The following BCL2 variants were observed in gnomAD, a reference collection of about 807,000 sequenced individuals.
BCL2 encodes the protein BCL2 apoptosis regulator, also known as apoptosis regulator Bcl-2.
BCL2 carries 1 observed loss-of-function variant against 14.2 expected under a neutral mutation model. That is an observed-to-expected ratio of 0.07 (90% CI 0.02 to 0.33). The LOEUF is 0.33. Ranked by LOEUF, BCL2 falls within the 10% of genes least tolerant of loss-of-function variation. The probability of loss-of-function intolerance (pLI) is 0.99; values close to 1 mark genes in which losing one functional copy is unlikely to be tolerated. For synonymous variants in BCL2, 151 were observed against 137.2 expected (o/e 1.10, Z -0.70); for missense variants, 247 against 305.9 (o/e 0.81, Z 1.44).
At chr18:63,260,534 C>A (rs184517705) in intron 2 of BCL2, among the ~76,000 whole-genome samples, 5 of 152,154 alleles carry the variant, frequency 3.3e-5, no homozygotes, top group African/African-American at 1.2e-4. Flanking sequence ...TCAGCAGGGG[C>A]GGACGATAGC....
intron 2 of BCL2, among the ~76,000 whole-genome samples, chr18:63,282,290 T>A (rs1261122843): frequency 1.3e-5 from 2 of 152,250 alleles, no homozygotes; most frequent in Non-Finnish European, 2.9e-5. Context: ...CAGTTCTGAT[T>A]ATCTTCAAAC....
At chr18:63,278,890 T>A (rs1459695492) in intron 2 of BCL2, among the ~76,000 whole-genome samples, 1 of 152,054 alleles carries the variant, frequency 6.6e-6, no homozygotes, top group Non-Finnish European at 1.5e-5. Context: ...CCCACACATA[T>A]ACAGACACCT....
Position 63,126,730 on chromosome 18 carries a change from GA to G in BCL2, c.*1894del. 4.4e-6 allele frequency: 1 copy of G among 225,408 alleles called. No individual in the cohort carries two copies. The highest frequency in any genetic ancestry group is 2.2e-5 in the African/African-American group (1 of 45,002). 14.0% of individuals were successfully genotyped at this position (225,408 alleles called of 1,614,324 possible). On this transcript the variant is annotated 3_prime_UTR_variant, in exon 3 of 3. Transcript: ENST00000333681. Reference sequence around the variant, plus strand: ...AATCAAGAGATAAAAATCTCAAACAGAAAACGATCACCTTTGCTCACAAATA... The same window carrying G: ...AATCAAGAGATAAAAATCTCAAACAGAAACGATCACCTTTGCTCACAAATA...
chr18:63,274,277 CTTTTTTTT>C (rs74169950), intron 2 of BCL2, among the ~76,000 whole-genome samples: 6 of 86,752 alleles, frequency 6.9e-5, no homozygotes, highest in African/African-American at 1.7e-4. Flanking sequence ...TAAAGATACT[CTTTTTTTT>C]TTTTTTTTTT....
At chr18:63,253,139 G>C (rs972939104) in intron 2 of BCL2, among the ~76,000 whole-genome samples, 3 of 152,316 alleles carry the variant, frequency 2.0e-5, no homozygotes, top group Admixed American at 2.0e-4. Context: ...ACTGTTCTAA[G>C]CAGTTAACTC....
At chr18:63,143,805 C>T (rs952606141) in intron 2 of BCL2, among the ~76,000 whole-genome samples, 8 of 152,194 alleles carry the variant, frequency 5.3e-5, no homozygotes, top group Non-Finnish European at 1.0e-4. Flanking sequence ...AACCTTGGAG[C>T]GAGTTGGCTC....
At chr18:63,129,306 A>G (rs1192064031) in intron 2 of BCL2, among the ~76,000 whole-genome samples, 1 of 71,284 alleles carries the variant, frequency 1.4e-5, no homozygotes, top group Non-Finnish European at 3.3e-5. Flanking sequence ...TTTTTTTTTT[A>G]GAGACAAGAG....
chr18:63,153,338 A>G (rs956572), intron 2 of BCL2, among the ~76,000 whole-genome samples: 97,768 of 152,056 alleles, frequency 0.64, 31,966 homozygotes, highest in African/African-American at 0.76. Flanking sequence ...AAGGCACTAA[A>G]ATTCAGTCAT....
At chr18:63,169,985 T>C (rs1423361112) in intron 2 of BCL2, among the ~76,000 whole-genome samples, 4 of 152,170 alleles carry the variant, frequency 2.6e-5, no homozygotes, top group South Asian at 2.1e-4. Context: ...ATGTCATCAA[T>C]AGCCATATTA....
At chr18:63,269,253 C>T (rs1233480282) in intron 2 of BCL2, among the ~76,000 whole-genome samples, 1 of 152,164 alleles carries the variant, frequency 6.6e-6, no homozygotes, top group Non-Finnish European at 1.5e-5. Context: ...CATGCTTTGG[C>T]CCATTGGTCT....
At chr18:63,139,398 G>C (rs1914298473) in intron 2 of BCL2, among the ~76,000 whole-genome samples, 1 of 152,196 alleles carries the variant, frequency 6.6e-6, no homozygotes, top group African/African-American at 2.4e-5. Flanking sequence ...ATCTTCAGCG[G>C]GCTTATTCAT....
chr18:63,267,374 A>G (rs1347588793), intron 2 of BCL2, among the ~76,000 whole-genome samples: 1 of 152,198 alleles, frequency 6.6e-6, no homozygotes, highest in Non-Finnish European at 1.5e-5. Context: ...GAACTAAGGC[A>G]GTGGCAGCAG....
chr18:63,243,251 T>A (rs1911060812), intron 2 of BCL2, among the ~76,000 whole-genome samples: 1 of 152,150 alleles, frequency 6.6e-6, no homozygotes, highest in African/African-American at 2.4e-5. Context: ...CTAAGTAAAC[T>A]AACATCAGGA....
chr18:63,130,725 G>A (rs1914042465), intron 2 of BCL2, among the ~76,000 whole-genome samples: 1 of 152,044 alleles, frequency 6.6e-6, no homozygotes, highest in Admixed American at 6.6e-5. Context: ...TAAAACTTTT[G>A]CTATTATAAA....
chr18:63,263,911 T>A (rs1911737336), intron 2 of BCL2, among the ~76,000 whole-genome samples: 1 of 152,204 alleles, frequency 6.6e-6, no homozygotes, highest in Non-Finnish European at 1.5e-5. Context: ...CTGCAACCTC[T>A]GCTTCCCGGG....
intron 2 of BCL2, among the ~76,000 whole-genome samples, chr18:63,167,085 G>A (rs1915064269): frequency 6.6e-6 from 1 of 152,194 alleles, no homozygotes; most frequent in African/African-American, 2.4e-5. Flanking sequence ...GAAGGAAGGT[G>A]GCTTCTGTTT....
intron 2 of BCL2, among the ~76,000 whole-genome samples, chr18:63,223,090 G>A (rs1910446758): frequency 1.3e-5 from 2 of 152,180 alleles, no homozygotes; most frequent in Non-Finnish European, 2.9e-5. Flanking sequence ...TGTGCGGAAG[G>A]GAGATGAGTC....
intron 2 of BCL2, among the ~76,000 whole-genome samples, chr18:63,133,301 C>T (rs985840045): frequency 6.7e-6 from 1 of 148,554 alleles, no homozygotes; most frequent in Non-Finnish European, 1.5e-5. Context: ...TTTCCTTTTC[C>T]GTTCAGAACC....
chr18:63,256,438 A>T (rs1911478293), intron 2 of BCL2, among the ~76,000 whole-genome samples: 1 of 152,156 alleles, frequency 6.6e-6, no homozygotes, highest in South Asian at 2.1e-4. Flanking sequence ...GCTGGTCTTG[A>T]ACTTCCGACC....
Sources: allele counts gnomAD v4.1 joint callset (sites outside exome capture counted in the v4.1 genomes callset), GRCh38; gene constraint gnomAD v4.1.1; transcripts MANE v1.5; gene names NCBI Gene and HGNC (gene_info 2026-07-23, HGNC 2026-07-21).